ATP1B3: variants seen among roughly 807,000 people sequenced by gnomAD.
ATP1B3 encodes the protein ATPase Na+/K+ transporting subunit beta 3.
In ATP1B3, 10 loss-of-function variants were observed where a neutral mutation model predicts 30.2. That is an observed-to-expected ratio of 0.33 (90% confidence interval 0.20 to 0.56). The LOEUF (loss-of-function observed/expected upper bound fraction) is 0.56. ATP1B3 is among the 20% of genes least tolerant of loss of function. The pLI, the probability that ATP1B3 is intolerant of heterozygous loss-of-function variation, is 0.90. For synonymous variants in ATP1B3, 113 were observed against 117.0 expected (o/e 0.97, Z 0.22); for missense variants, 238 against 336.7 (o/e 0.71, Z 2.29).
intron 1 of ATP1B3, 66 bp from the exon 2 acceptor site, chr3:141,903,554 C>T: frequency 1.3e-6 from 2 of 1,593,980 alleles, no homozygotes; most frequent in Non-Finnish European, 1.7e-6. Context: ...GTTTTTTAAC[C>T]TGGCCAAACA....
At position 141,925,552 on chromosome 3, in the gene ATP1B3, G is replaced by T; in HGVS notation, c.691G>T (p.Val231Phe). 6.2e-7 allele frequency: 1 copy of T among 1,609,964 alleles called. No homozygotes were observed. The highest frequency in any genetic ancestry group is 8.5e-7 in the Non-Finnish European group (1 of 1,178,808). ...CCAGGTTGGGTATCTACAGCCATTG[G>T]TTGCTGTTCAGGTCAGCTTTGCTCC... is the stretch of plus-strand genomic sequence containing the variant. ...KLHVGYLQPLVAVQVSFAPNN... is the reference protein window; with the variant it reads ...KLHVGYLQPLFAVQVSFAPNN... The change falls in exon 7 of 7, where the codon GTT becomes TTT. Residue 231 changes from valine (V) to phenylalanine (F), a missense_variant. Physicochemically the swap from Val to Phe is conservative, Grantham distance 50. Coordinates refer to ENST00000286371, the MANE Select transcript of ATP1B3 (RefSeq NM_001679.4).
chr3:141,881,157 C>T (rs980038464), intron 1 of ATP1B3, among the ~76,000 whole-genome samples: 5 of 150,508 alleles, frequency 3.3e-5, no homozygotes, highest in African/African-American at 9.8e-5. Context: ...GAGCCAAGAT[C>T]GCGCCACTGC....
chr3:141,922,141 G>T, intron 6 of ATP1B3, 78 bp downstream of exon 6: 1 of 841,044 alleles, frequency 1.2e-6, no homozygotes, highest in Admixed American at 3.0e-5. Context: ...ACTTGTCTGG[G>T]GTAGGTAGAC....
At chr3:141,911,555 C>T (rs1247232343) in intron 3 of ATP1B3, among the ~76,000 whole-genome samples, 2 of 149,286 alleles carry the variant, frequency 1.3e-5, no homozygotes, top group Non-Finnish European at 3.0e-5. Context: ...AGTACAATGG[C>T]TTGTTCTCAG....
chr3:141,880,666 C>T (rs1933704193), intron 1 of ATP1B3, among the ~76,000 whole-genome samples: 1 of 151,984 alleles, frequency 6.6e-6, no homozygotes, highest in African/African-American at 2.4e-5. Context: ...TTCATTCTAG[C>T]TTTAAAAAAA....
At position 141,916,477 on chromosome 3, in the gene ATP1B3, T is replaced by G. The variant is rs1374048475; in HGVS notation, c.582+457T>G. On this transcript the variant is annotated intron_variant, in intron 5 of 6. Transcript: ENST00000286371. ...ATTTATCTCCCCTATCCCTACTTAC[T>G]TTTTTTTCCAGAATACTGTGCAGTT... is the stretch of plus-strand genomic sequence containing the variant. The G allele has an allele frequency of 3.8e-6, 4 of 1,046,694 alleles. No individual in the cohort carries two copies. In the African/African-American group the frequency reaches 6.6e-5, roughly 17 times the overall value. 64.8% of individuals were successfully genotyped at this position (1,046,694 alleles called of 1,614,324 possible).
At chr3:141,888,469 T>C (rs968030402) in intron 1 of ATP1B3, among the ~76,000 whole-genome samples, 8 of 152,210 alleles carry the variant, frequency 5.3e-5, no homozygotes, top group Non-Finnish European at 8.8e-5. Flanking sequence ...TGATTTTTTT[T>C]CACTTAATAT....
Position 141,925,586 on chromosome 3 carries a change from C to G in ATP1B3, c.725C>G (p.Thr242Ser). Reference sequence around the variant, plus strand: ...CAGGTCAGCTTTGCTCCTAACAACACTGGGAAAGAAGTAACAGTTGAGTGC... The same window carrying G: ...CAGGTCAGCTTTGCTCCTAACAACAGTGGGAAAGAAGTAACAGTTGAGTGC... ...AVQVSFAPNN[T>S]GKEVTVECKI... The change falls in exon 7 of 7, where the codon ACT becomes AGT. Residue 242 changes from threonine to serine, a missense_variant. Physicochemically the swap from Thr to Ser is moderately conservative, Grantham distance 58. Transcript: ENST00000286371. The G allele has an allele frequency of 6.2e-7, 1 of 1,613,836 alleles. No homozygotes were observed. Among genetic ancestry groups the G allele is most frequent in the Non-Finnish European group, 8.5e-7 (1 of 1,179,830 alleles).
At chr3:141,878,870 A>T (rs1273922239) in intron 1 of ATP1B3, among the ~76,000 whole-genome samples, 2 of 152,176 alleles carry the variant, frequency 1.3e-5, no homozygotes, top group Non-Finnish European at 1.5e-5. Flanking sequence ...CCCTCTAAGG[A>T]TATGTGAGGG....
intron 1 of ATP1B3, among the ~76,000 whole-genome samples, chr3:141,884,286 C>T (rs781520572): frequency 6.6e-6 from 1 of 152,028 alleles, no homozygotes. Context: ...TTGGAAGTGA[C>T]CTTCCTGCAA....
chr3:141,882,003 G>A (rs956948109), intron 1 of ATP1B3, among the ~76,000 whole-genome samples: 1 of 152,122 alleles, frequency 6.6e-6, no homozygotes, highest in Non-Finnish European at 1.5e-5. Flanking sequence ...ATGGTAGTAC[G>A]AGTGCTTTAA....
Position 141,883,675 on chromosome 3 carries a change from A to G in ATP1B3, c.109+6765A>G, listed in dbSNP as rs1040781567. On this transcript the variant is annotated intron_variant, in intron 1 of 6. Coordinates refer to ENST00000286371, the MANE Select transcript of ATP1B3 (RefSeq NM_001679.4). ...CCCCTGGCCTGTCCTAGCACTTGCT[A>G]GGAATGTAATACAAACTGGTTGAAT... Among the ~76,000 whole-genome samples, 12 of 152,302 alleles carry G rather than the reference A, an allele frequency of 7.9e-5. No homozygotes were observed. In the South Asian group the frequency reaches 2.5e-3, roughly 32 times the overall value.
intron 4 of ATP1B3, among the ~76,000 whole-genome samples, 199 bp from the exon 5 acceptor site, chr3:141,915,771 A>G (rs779588566): frequency 1.2e-4 from 18 of 152,196 alleles, no homozygotes; most frequent in Non-Finnish European, 2.5e-4. Context: ...CCAGTACAGT[A>G]ATAAGATATC....
intron 1 of ATP1B3, among the ~76,000 whole-genome samples, chr3:141,900,638 C>T (rs907357774): frequency 9.9e-5 from 15 of 152,082 alleles, no homozygotes; most frequent in Non-Finnish European, 1.9e-4. Flanking sequence ...GGACTGAGCC[C>T]GTAGCATGGG....
chr3:141,877,351 C>G (rs1278636796), intron 1 of ATP1B3, among the ~76,000 whole-genome samples: 1 of 152,018 alleles, frequency 6.6e-6, no homozygotes, highest in Non-Finnish European at 1.5e-5. Flanking sequence ...TCGGAGAAGC[C>G]AGACCCTGCC....
intron 3 of ATP1B3, among the ~76,000 whole-genome samples, chr3:141,910,010 GTCTC>G (rs1934332397): frequency 6.6e-6 from 1 of 152,074 alleles, no homozygotes; most frequent in African/African-American, 2.4e-5. Context: ...CTGAGATGGG[GTCTC>G]TCTCTGTCAC....
At chr3:141,883,950 G>A (rs768514691) in intron 1 of ATP1B3, among the ~76,000 whole-genome samples, 3 of 152,098 alleles carry the variant, frequency 2.0e-5, no homozygotes, top group African/African-American at 4.8e-5. Context: ...CCTGGATCAC[G>A]CATCTGATAA....
At chr3:141,877,034 A>G in intron 1 of ATP1B3, 124 bp downstream of exon 1, 3 of 633,220 alleles carry the variant, frequency 4.7e-6, no homozygotes, top group Non-Finnish European at 7.1e-6. Flanking sequence ...GCCCGACCCT[A>G]ACCCGGGCGG....
chr3:141,920,118 A>G (rs1934540236), intron 5 of ATP1B3, among the ~76,000 whole-genome samples: 2 of 152,186 alleles, frequency 1.3e-5, no homozygotes, highest in African/African-American at 4.8e-5. Flanking sequence ...CGTCTTAGGC[A>G]CACACAGAGA....
Sources: gnomAD v4.1 joint callset for allele counts (sites outside exome capture counted in the v4.1 genomes callset) on GRCh38, gnomAD v4.1.1 for gene constraint, MANE v1.5 for transcripts, NCBI Gene and HGNC (gene_info 2026-07-23, HGNC 2026-07-21) for gene names.